Variants in DLG2 observed in about 807,000 individuals in gnomAD.
DLG2 encodes the protein discs large MAGUK scaffold protein 2.
DLG2 carries 45 observed loss-of-function variants against 132.5 expected under a neutral mutation model. The observed-to-expected ratio is 0.34, with a 90% CI of 0.27 to 0.44. DLG2 has a LOEUF of 0.44. Among genes scored for constraint, DLG2 ranks in the 20% least tolerant of loss-of-function variants. The probability of loss-of-function intolerance (pLI) is 1.00; values close to 1 mark genes in which losing one functional copy is unlikely to be tolerated. For synonymous variants in DLG2, 424 were observed against 419.6 expected, an observed-to-expected ratio of 1.01 and a Z score of -0.13; for missense variants, 1,045 against 1,196.9, an observed-to-expected ratio of 0.87 and a Z score of 1.87.
At chr11:85,250,673 A>G (rs988382081) in intron 4 of DLG2, among the ~76,000 whole-genome samples, 6 of 152,168 alleles carry the variant, frequency 3.9e-5, no homozygotes, top group African/African-American at 1.4e-4. Context: ...GGAGCATATA[A>G]TTTAGTAAAA....
intron 3 of DLG2, among the ~76,000 whole-genome samples, chr11:85,542,807 C>T (rs192698483): frequency 2.1e-4 from 32 of 152,074 alleles, no homozygotes; most frequent in Admixed American, 1.7e-3. Flanking sequence ...CAGTCCTAGC[C>T]CAAGGGCATT....
intron 11 of DLG2, among the ~76,000 whole-genome samples, chr11:84,020,659 T>C (rs2095363890): frequency 6.6e-6 from 1 of 152,228 alleles, no homozygotes; most frequent in Non-Finnish European, 1.5e-5. Flanking sequence ...AGTGTACTGC[T>C]TGGTTATTTT....
chr11:84,577,895 G>C (rs2099506207), intron 6 of DLG2, among the ~76,000 whole-genome samples: 1 of 152,140 alleles, frequency 6.6e-6, no homozygotes, highest in African/African-American at 2.4e-5. Context: ...GGAAAAAGTG[G>C]TTTGGGGGCC....
intron 19 of DLG2, among the ~76,000 whole-genome samples, chr11:83,597,113 T>C (rs1272434818): frequency 1.3e-5 from 2 of 152,196 alleles, no homozygotes; most frequent in Non-Finnish European, 2.9e-5. Flanking sequence ...GGCTCAACAG[T>C]TGTATCTATA....
chr11:84,743,942 T>G (rs2065024468), intron 6 of DLG2, among the ~76,000 whole-genome samples: 1 of 152,060 alleles, frequency 6.6e-6, no homozygotes, highest in Admixed American at 6.6e-5. Flanking sequence ...GCCAGGCTGG[T>G]CTTGAACTCC....
intron 19 of DLG2, among the ~76,000 whole-genome samples, chr11:83,549,728 A>C (rs2096339925): frequency 6.6e-6 from 1 of 152,182 alleles, no homozygotes; most frequent in Admixed American, 6.5e-5. Context: ...TTATCTTCTT[A>C]AAAACAATCA....
chr11:83,543,477 A>G (rs527684988), intron 19 of DLG2, among the ~76,000 whole-genome samples: 12 of 152,268 alleles, frequency 7.9e-5, no homozygotes, highest in African/African-American at 2.9e-4. Flanking sequence ...CAGTGTGGTT[A>G]TGAATATGGA....
intron 6 of DLG2, among the ~76,000 whole-genome samples, chr11:84,853,916 C>A (rs533124874): frequency 6.6e-6 from 1 of 152,114 alleles, no homozygotes; most frequent in African/African-American, 2.4e-5. Flanking sequence ...GTTAGATGAT[C>A]TTTCTCATTT....
At chr11:83,487,549 C>A (rs986766671) in intron 21 of DLG2, among the ~76,000 whole-genome samples, 4 of 152,014 alleles carry the variant, frequency 2.6e-5, no homozygotes, top group African/African-American at 9.7e-5. Context: ...TTGCAAATAT[C>A]ACTGTTTTTA....
rs1206103551 is a variant in DLG2 at position 84,509,545 on chromosome 11, C to T, written c.519+25025G>A. Among the ~76,000 whole-genome samples, 3 of 152,102 alleles carry T rather than the reference C, an allele frequency of 2.0e-5. No individual in the cohort carries two copies. The East Asian group carries it at 5.8e-4, about 29-fold the overall frequency. ...TTACCACTGATAAAACAGTTTCTATCAAAGTTGAACTCACAATAAGAAGTC... is the reference window on the plus strand; with the variant it reads ...TTACCACTGATAAAACAGTTTCTATTAAAGTTGAACTCACAATAAGAAGTC... On this transcript the variant is annotated intron_variant, in intron 7 of 27. Transcript: ENST00000376104.
At chr11:85,438,491 T>C (rs1446233145) in intron 3 of DLG2, among the ~76,000 whole-genome samples, 1 of 152,200 alleles carries the variant, frequency 6.6e-6, no homozygotes, top group African/African-American at 2.4e-5. Flanking sequence ...CCATTACTTT[T>C]AATAGCAAAA....
At chr11:85,505,572 C>A (rs2093911158) in intron 3 of DLG2, among the ~76,000 whole-genome samples, 1 of 152,150 alleles carries the variant, frequency 6.6e-6, no homozygotes, top group Non-Finnish European at 1.5e-5. Flanking sequence ...CTGAAGCCGA[C>A]TTGATGGTGG....
At chr11:83,565,765 C>T (rs972504661) in intron 19 of DLG2, among the ~76,000 whole-genome samples, 1 of 152,208 alleles carries the variant, frequency 6.6e-6, no homozygotes, top group Non-Finnish European at 1.5e-5. Context: ...CTCTGAGTTA[C>T]TCCAACTTGG....
chr11:84,391,793 G>A (rs1264377073), intron 7 of DLG2, among the ~76,000 whole-genome samples: 1 of 145,460 alleles, frequency 6.9e-6, no homozygotes, highest in African/African-American at 2.6e-5. Flanking sequence ...TTCTGTTAAT[G>A]TTAAAAAAAA....
intron 6 of DLG2, among the ~76,000 whole-genome samples, chr11:84,591,188 A>G (rs917213895): frequency 7.0e-6 from 1 of 143,306 alleles, no homozygotes; most frequent in African/African-American, 2.6e-5. Context: ...CCCACCCTAA[A>G]GTTTTGTTAT....
chr11:85,598,859 A>G (rs2079959909), intron 2 of DLG2, 71 bp from the exon 3 acceptor site: 1 of 428,516 alleles, frequency 2.3e-6, no homozygotes, highest in Admixed American at 4.4e-5. Context: ...AAACTATTCT[A>G]TAATTGTGTT....
chr11:84,698,135 TC>T lies in DLG2; in HGVS notation c.358-163405del, dbSNP rs139883147. The stretch of plus-strand genomic sequence containing the variant: ...TGCTTAACAAAAAATACACAATAGT[TC>T]TTGGATAGGGCCTTTGCTGATAAGT... On this transcript the variant is annotated intron_variant, in intron 6 of 27. Transcript: ENST00000376104. Among the ~76,000 whole-genome samples, 314 of 151,618 alleles carry T rather than the reference TC, an allele frequency of 2.1e-3. 1 individual carries two copies. Among genetic ancestry groups the T allele is most frequent in the African/African-American group, 7.1e-3 (293 of 41,492 alleles).
intron 3 of DLG2, among the ~76,000 whole-genome samples, chr11:85,470,964 A>G (rs904818649): frequency 6.6e-6 from 1 of 152,216 alleles, no homozygotes; most frequent in Admixed American, 6.5e-5. Context: ...TCTGCCTTGC[A>G]ACACTTATTT....
Position 84,823,652 on chromosome 11 carries a change from G to C in DLG2, c.357+288009C>G, listed in dbSNP as rs529122913. On this transcript the variant is annotated intron_variant, in intron 6 of 27. Transcript: ENST00000376104. ...ACTTCATATTCCCCTGCCGAGCCCA[G>C]TTATTTTCTCCATAGCACATATATC... Among the ~76,000 whole-genome samples the C allele has an allele frequency of 1.8e-4, 27 of 147,704 alleles. No individual in the cohort carries two copies. In the East Asian group the frequency reaches 5.5e-3, roughly 30 times the overall value.
Sources: gnomAD v4.1 joint callset for allele counts (sites outside exome capture counted in the v4.1 genomes callset) on GRCh38, gnomAD v4.1.1 for gene constraint, MANE v1.5 for transcripts, NCBI Gene and HGNC (gene_info 2026-07-23, HGNC 2026-07-21) for gene names.